SHANK2: variants seen among roughly 807,000 people sequenced by gnomAD.
SHANK2 encodes SH3 and multiple ankyrin repeat domains 2, also known as SH3 and multiple ankyrin repeat domains protein 2.
A neutral mutation model predicts 133.7 loss-of-function variants in SHANK2; 43 were observed. That is an observed-to-expected ratio of 0.32 (90% confidence interval 0.25 to 0.41). The LOEUF is 0.41. Among genes scored for constraint, SHANK2 ranks in the 10% least tolerant of loss-of-function variants. The pLI is 1.00. For missense variants in SHANK2, 1,994 were observed against 2,235.8 expected (o/e 0.89, Z 2.18); for synonymous variants, 1,017 against 952.8 (o/e 1.07, Z -1.24).
intron 3 of SHANK2, among the ~76,000 whole-genome samples, chr11:71,139,497 T>TAAA (rs1555105410): frequency 6.6e-6 from 1 of 151,800 alleles, no homozygotes; most frequent in African/African-American, 2.4e-5. Flanking sequence ...AAACTTAAAG[T>TAAA]ATAATAATAA....
rs573453738 is a variant in SHANK2, at chr11:70,469,052, G to A, written c.*3817C>T. The A allele has an allele frequency of 6.6e-6, 1 of 152,336 alleles. No homozygotes were observed. Among genetic ancestry groups the A allele is most frequent in the East Asian group, 1.9e-4 (1 of 5,186 alleles). 9.4% of individuals were successfully genotyped at this position (152,336 alleles called of 1,614,324 possible). A position where few individuals can be genotyped will look rare whatever the true frequency, so the allele number is the denominator to read the frequency against. ...GCTAGAAGACACCCTGCTGGGGTGT[G>A]GGGAGACTGGACCCTAAGGGAAGGG... On this transcript the variant is annotated 3_prime_UTR_variant, in exon 26 of 26. Transcript: ENST00000601538.
At chr11:71,118,620 T>C (rs1339847302) in intron 4 of SHANK2, among the ~76,000 whole-genome samples, 1 of 152,150 alleles carries the variant, frequency 6.6e-6, no homozygotes, top group African/African-American at 2.4e-5. Flanking sequence ...TCCCTCAACA[T>C]GTGGGGATTA....
intron 14 of SHANK2, among the ~76,000 whole-genome samples, chr11:70,704,408 G>A (rs1468319351): frequency 1.3e-5 from 2 of 152,192 alleles, no homozygotes; most frequent in African/African-American, 2.4e-5. Flanking sequence ...CCTTCCCCAT[G>A]GGAAGGTCCT....
At chr11:70,899,195 G>T (rs565247424) in intron 10 of SHANK2, among the ~76,000 whole-genome samples, 1 of 152,166 alleles carries the variant, frequency 6.6e-6, no homozygotes, top group South Asian at 2.1e-4. Flanking sequence ...CCCATGTGTC[G>T]AGGGAGGGAC....
rs1555124769 is a variant in SHANK2 at position 71,244,792 on chromosome 11, T to G, written c.-113+7633A>C. Among the ~76,000 whole-genome samples, 3 of 152,310 alleles carry G rather than the reference T, an allele frequency of 2.0e-5. No homozygotes were observed. The East Asian group carries it at 5.8e-4, about 29-fold the overall frequency. On this transcript the variant is annotated intron_variant, in intron 1 of 25. Transcript: ENST00000601538. ...ATCTTGGCTCACTGCAACCTCCGCC[T>G]GCCGGGTTCAAGTGATCTCTTGTGC...
chr11:71,147,516 G>A (rs1255002395), intron 2 of SHANK2, among the ~76,000 whole-genome samples, 178 bp from the exon 3 acceptor site: 9 of 152,118 alleles, frequency 5.9e-5, no homozygotes, highest in Admixed American at 2.6e-4. Flanking sequence ...CCCAGAGGGC[G>A]GACACAAGTC....
At chr11:70,528,973 C>A (rs2059434808) in intron 17 of SHANK2, among the ~76,000 whole-genome samples, 1 of 152,066 alleles carries the variant, frequency 6.6e-6, no homozygotes, top group Non-Finnish European at 1.5e-5. Flanking sequence ...CTTGTGGGAG[C>A]CTTAGGGGAG....
Position 71,083,648 on chromosome 11 carries a change from C to A in SHANK2, c.913-8373G>T, listed in dbSNP as rs1951332032. Among the ~76,000 whole-genome samples the A allele has an allele frequency of 4.6e-5, 7 of 152,240 alleles. No homozygotes were observed. The South Asian group carries it at 1.2e-3, about 27-fold the overall frequency. ...GGGAGGGAGAGAGCCAGGCTTTGCC[C>A]CAAGGAAGGTACCGGGGTTCAGCAC... is the stretch of plus-strand genomic sequence containing the variant. On this transcript the variant is annotated intron_variant, in intron 8 of 25. Coordinates refer to ENST00000601538, the MANE Select transcript of SHANK2 (RefSeq NM_012309.5).
chr11:71,131,082 CG>C (rs1952295204), intron 3 of SHANK2, among the ~76,000 whole-genome samples: 1 of 152,260 alleles, frequency 6.6e-6, no homozygotes, highest in South Asian at 2.1e-4. Context: ...CAGGCGTCTT[CG>C]GGTCTTTGAT....
At position 70,500,118 on chromosome 11, in the gene SHANK2, C is replaced by T. The variant is rs1377700461; in HGVS notation, c.2308+452G>A. Among the ~76,000 whole-genome samples the T allele has an allele frequency of 1.3e-5, 2 of 152,152 alleles. No individual in the cohort carries two copies. Among genetic ancestry groups the T allele is most frequent in the Admixed American group, 6.5e-5 (1 of 15,282 alleles). Reference sequence around the variant, plus strand: ...AGGTGTAGCCAAAGGGCTCACACTGCTCCCTTCTCCTTCTAGTGCCCCACA... The same window carrying T: ...AGGTGTAGCCAAAGGGCTCACACTGTTCCCTTCTCCTTCTAGTGCCCCACA... On this transcript the variant is annotated intron_variant, in intron 21 of 25. Transcript: ENST00000601538. This position sits in a 1 kb window ranked among gnomAD's most constrained non-coding sequence, Gnocchi z 4.5.
chr11:70,665,429 C>T (rs1944661600), intron 15 of SHANK2, among the ~76,000 whole-genome samples: 1 of 152,192 alleles, frequency 6.6e-6, no homozygotes, highest in Non-Finnish European at 1.5e-5. Flanking sequence ...CGTGAGCCAC[C>T]ACACCCTGCT....
intron 12 of SHANK2, among the ~76,000 whole-genome samples, chr11:70,816,567 G>A (rs531498686): frequency 6.6e-6 from 1 of 152,232 alleles, no homozygotes; most frequent in African/African-American, 2.4e-5. Context: ...ACATGGCCAG[G>A]GCCCGTTGCC....
At chr11:70,758,227 C>A (rs182627938) in intron 14 of SHANK2, among the ~76,000 whole-genome samples, 115 of 152,342 alleles carry the variant, frequency 7.5e-4, no homozygotes, top group Admixed American at 5.1e-3. Flanking sequence ...AATGGCTACC[C>A]GCTTTGGGTC....
chr11:70,574,869 C>A (rs1352263824), intron 17 of SHANK2, among the ~76,000 whole-genome samples: 1 of 152,158 alleles, frequency 6.6e-6, no homozygotes, highest in African/African-American at 2.4e-5. Context: ...CCCCAAACCT[C>A]GCTGCCCGGC....
chr11:70,749,057 A>C (rs889584814), intron 14 of SHANK2, among the ~76,000 whole-genome samples: 1 of 152,226 alleles, frequency 6.6e-6, no homozygotes, highest in Admixed American at 6.5e-5. Flanking sequence ...AGATGGGCTC[A>C]GGTGTTAGTT....
chr11:70,777,664 C>A (rs1947395600), intron 14 of SHANK2, among the ~76,000 whole-genome samples: 1 of 152,186 alleles, frequency 6.6e-6, no homozygotes, highest in Non-Finnish European at 1.5e-5. Context: ...GGGTAGTAAA[C>A]CTTGATCAAT....
At chr11:71,187,590 C>T (rs919657179) in intron 2 of SHANK2, among the ~76,000 whole-genome samples, 1 of 152,070 alleles carries the variant, frequency 6.6e-6, no homozygotes, top group African/African-American at 2.4e-5. Context: ...TTATTCAGCA[C>T]AGTTCAAGGG....
intron 17 of SHANK2, among the ~76,000 whole-genome samples, chr11:70,609,123 C>T (rs1371346252): frequency 1.3e-5 from 2 of 152,228 alleles, no homozygotes; most frequent in Non-Finnish European, 2.9e-5. Flanking sequence ...CCTGTGGCAC[C>T]GGGCGGCCCA....
chr11:70,696,989 G>A (rs540932975), intron 15 of SHANK2, among the ~76,000 whole-genome samples: 10 of 152,194 alleles, frequency 6.6e-5, no homozygotes, highest in South Asian at 2.1e-4. Flanking sequence ...AAGACATTAC[G>A]CTCAGTGAAA....
Sources: gnomAD v4.1 joint callset for allele counts (sites outside exome capture counted in the v4.1 genomes callset) on GRCh38, gnomAD v4.1.1 for gene constraint, Gnocchi (gnomAD v3.1) non-coding constraint, MANE v1.5 for transcripts, NCBI Gene and HGNC (gene_info 2026-07-23, HGNC 2026-07-21) for gene names.